The following DPYD variants were observed in gnomAD, a reference collection of about 807,000 sequenced individuals.
DPYD encodes dihydropyrimidine dehydrogenase, also known as dihydropyrimidine dehydrogenase [NADP(+)].
Under a neutral mutation model 116.2 loss-of-function variants are expected in DPYD, and 109 were observed. That is an observed-to-expected ratio of 0.94 (90% CI 0.80 to 1.10). The LOEUF (loss-of-function observed/expected upper bound fraction) is 1.10, where lower values mean the gene tolerates loss of function less well. DPYD is among the 50% of genes least tolerant of loss of function. The pLI is 0.00. For synonymous variants in DPYD, 440 were observed against 432.0 expected, an observed-to-expected ratio of 1.02 and a Z score of -0.23; for missense variants, 1,302 against 1,254.5, an observed-to-expected ratio of 1.04 and a Z score of -0.57.
intron 19 of DPYD, among the ~76,000 whole-genome samples, chr1:97,202,964 C>T (rs981743971): frequency 3.9e-5 from 6 of 152,100 alleles, no homozygotes; most frequent in African/African-American, 1.2e-4. Context: ...TGCTTCCCAA[C>T]GGGCATAAAT....
intron 8 of DPYD, among the ~76,000 whole-genome samples, chr1:97,598,528 G>T (rs907957636): frequency 6.6e-6 from 1 of 150,758 alleles, no homozygotes; most frequent in Admixed American, 6.6e-5. Flanking sequence ...TGGTGTTTTA[G>T]CATGCATTTA....
chr1:97,538,067 C>CA (rs67281977), intron 12 of DPYD, among the ~76,000 whole-genome samples: 24,162 of 124,384 alleles, frequency 0.19, 2,150 homozygotes, highest in Admixed American at 0.26. Flanking sequence ...AACTCTGTCT[C>CA]AAAAAAAAAA....
At chr1:97,173,517 G>A (rs1657025144) in intron 20 of DPYD, among the ~76,000 whole-genome samples, 1 of 146,896 alleles carries the variant, frequency 6.8e-6, no homozygotes, top group African/African-American at 2.5e-5. Context: ...ACACACAAAA[G>A]GTATATACAA....
intron 21 of DPYD, among the ~76,000 whole-genome samples, chr1:97,089,140 C>A (rs1570435375): frequency 6.6e-6 from 1 of 152,148 alleles, no homozygotes; most frequent in South Asian, 2.1e-4. Flanking sequence ...CTAGAAGCAG[C>A]AGGAAGAAGA....
At chr1:97,855,365 A>G (rs1486463203) in intron 2 of DPYD, 1 of 152,214 alleles carries the variant, frequency 6.6e-6, no homozygotes, top group Non-Finnish European at 1.5e-5. Context: ...TCTGGATGCA[A>G]GTAGGGACAA....
chr1:97,276,192 T>A (rs1178494934), intron 18 of DPYD, among the ~76,000 whole-genome samples: 2 of 152,168 alleles, frequency 1.3e-5, no homozygotes, highest in African/African-American at 2.4e-5. Flanking sequence ...CCAAGGCTGA[T>A]GTCCAGAATG....
chr1:97,626,733 T>C (rs1221649277), intron 8 of DPYD, among the ~76,000 whole-genome samples: 1 of 152,016 alleles, frequency 6.6e-6, no homozygotes, highest in Non-Finnish European at 1.5e-5. Flanking sequence ...ATAAACGACA[T>C]AGTAAGGAAA....
chr1:97,768,729 C>T (rs1443096240), intron 3 of DPYD, among the ~76,000 whole-genome samples: 2 of 151,930 alleles, frequency 1.3e-5, no homozygotes, highest in Admixed American at 6.6e-5. Context: ...GGCTTCTAAA[C>T]CCAAAAATAT....
chr1:97,320,965 G>C (rs1159216774), intron 16 of DPYD, among the ~76,000 whole-genome samples: 2 of 61,218 alleles, frequency 3.3e-5, no homozygotes, highest in East Asian at 1.1e-3. Flanking sequence ...ACAAACCTGA[G>C]AAAAACAAGC....
intron 3 of DPYD, among the ~76,000 whole-genome samples, chr1:97,806,499 T>C (rs1236855193): frequency 6.6e-6 from 1 of 151,896 alleles, no homozygotes; most frequent in Non-Finnish European, 1.5e-5. Flanking sequence ...TTTTTAAAAA[T>C]TGTACATACT....
intron 20 of DPYD, among the ~76,000 whole-genome samples, chr1:97,189,212 CA>C (rs1473422347): frequency 1.3e-5 from 2 of 152,082 alleles, no homozygotes; most frequent in African/African-American, 4.8e-5. Context: ...TACAAAAATA[CA>C]ACTGCGATGT....
intron 20 of DPYD, among the ~76,000 whole-genome samples, chr1:97,144,829 TA>T (rs914649912): frequency 6.6e-6 from 1 of 152,258 alleles, no homozygotes; most frequent in African/African-American, 2.4e-5. Flanking sequence ...TTAGCTGATT[TA>T]TTTTTTTCTT....
At chr1:97,480,006 A>G (rs1396105010) in intron 13 of DPYD, among the ~76,000 whole-genome samples, 6 of 152,192 alleles carry the variant, frequency 3.9e-5, no homozygotes, top group South Asian at 2.1e-4. Flanking sequence ...TTTCCCTAAT[A>G]TAGAACTTGT....
intron 3 of DPYD, among the ~76,000 whole-genome samples, chr1:97,808,799 G>C (rs914647863): frequency 1.2e-4 from 18 of 151,482 alleles, no homozygotes; most frequent in African/African-American, 4.4e-4. Flanking sequence ...AATATATGGA[G>C]TAATTTTATT....
intron 14 of DPYD, among the ~76,000 whole-genome samples, chr1:97,424,945 A>G (rs986346859): frequency 6.6e-6 from 1 of 152,090 alleles, no homozygotes; most frequent in African/African-American, 2.4e-5. Flanking sequence ...TCAGTTTTTC[A>G]GATCTGAAAA....
intron 16 of DPYD, among the ~76,000 whole-genome samples, chr1:97,315,015 G>A (rs146338347): frequency 1.4e-3 from 217 of 152,082 alleles, no homozygotes; most frequent in African/African-American, 5.1e-3. Flanking sequence ...GGTAGAGGGG[G>A]CTCTGCAATT....
At chr1:97,092,572 G>T (rs1649964636) in intron 21 of DPYD, among the ~76,000 whole-genome samples, 1 of 152,030 alleles carries the variant, frequency 6.6e-6, no homozygotes, top group African/African-American at 2.4e-5. Flanking sequence ...AGAGTATTAG[G>T]TTAAGTAAGA....
chr1:97,449,256 A>T (rs1164192989), intron 14 of DPYD, among the ~76,000 whole-genome samples: 1 of 152,194 alleles, frequency 6.6e-6, no homozygotes, highest in East Asian at 1.9e-4. Context: ...AAACCCACAC[A>T]TTGCCTCAAA....
At chr1:97,505,618 G>GA (rs1453173605) in intron 13 of DPYD, among the ~76,000 whole-genome samples, 1 of 151,510 alleles carries the variant, frequency 6.6e-6, no homozygotes, top group Non-Finnish European at 1.5e-5. Context: ...TATATTTTCT[G>GA]AACTACAGTT....
Sources: gnomAD v4.1 joint callset for allele counts (sites outside exome capture counted in the v4.1 genomes callset) on GRCh38, gnomAD v4.1.1 for gene constraint, MANE v1.5 for transcripts, NCBI Gene and HGNC (gene_info 2026-07-23, HGNC 2026-07-21) for gene names.